Variants in ADNP2 observed in about 807,000 individuals in gnomAD.
The protein encoded by ADNP2 is ADNP homeobox 2, also known as activity-dependent neuroprotector homeobox protein 2.
Under a neutral mutation model 16.4 loss-of-function variants are expected in ADNP2, and 8 were observed. The ratio of observed to expected loss-of-function variants is 0.49; its 90% confidence interval spans 0.29 to 0.88. The LOEUF (loss-of-function observed/expected upper bound fraction) is 0.88, where lower values mean the gene tolerates loss of function less well. ADNP2 is among the 40% of genes least tolerant of loss of function. The pLI, the probability that ADNP2 is intolerant of heterozygous loss-of-function variation, is 0.09. For missense variants in ADNP2, 1,397 were observed against 1,395.1 expected (o/e 1.00, Z -0.02); for synonymous variants, 637 against 545.8 (o/e 1.17, Z -2.33).
At chr18:80,117,701 G>T in intron 2 of ADNP2, 51 bp downstream of exon 2, 1 of 1,442,738 alleles carries the variant, frequency 6.9e-7, no homozygotes, top group Non-Finnish European at 9.5e-7. Flanking sequence ...ATTTGAACTC[G>T]GGTTTTTGAA....
intron 2 of ADNP2, among the ~76,000 whole-genome samples, chr18:80,120,468 A>T (rs557621505): frequency 1.3e-5 from 2 of 151,560 alleles, no homozygotes; most frequent in African/African-American, 4.8e-5. Context: ...AGTAGCTGGC[A>T]CTATAGGTGC....
At chr18:80,133,624 G>T in intron 3 of ADNP2, 1 of 182,932 alleles carries the variant, frequency 5.5e-6, no homozygotes, top group Non-Finnish European at 1.1e-5. Flanking sequence ...GCAAATTCAG[G>T]CTAAAACATG....
intron 1 of ADNP2, among the ~76,000 whole-genome samples, chr18:80,114,824 A>G (rs1301685302): frequency 6.6e-6 from 1 of 152,038 alleles, no homozygotes; most frequent in Non-Finnish European, 1.5e-5. Flanking sequence ...CTTGACAGCT[A>G]GGGCTGGAAT....
At chr18:80,116,793 G>C (rs1006381228) in intron 1 of ADNP2, among the ~76,000 whole-genome samples, 13 of 152,114 alleles carry the variant, frequency 8.5e-5, no homozygotes, top group African/African-American at 2.7e-4. Context: ...GCACCAGGAT[G>C]CCTGGCTAAT....
chr18:80,133,235 G>T, intron 3 of ADNP2, 43 bp downstream of exon 3: 2 of 1,473,424 alleles, frequency 1.4e-6, no homozygotes, highest in South Asian at 1.1e-5. Context: ...CCTCAAAAGT[G>T]AGCAGTGACT....
chr18:80,125,921 A>T (rs1391400075), intron 2 of ADNP2, among the ~76,000 whole-genome samples: 1 of 152,202 alleles, frequency 6.6e-6, no homozygotes, highest in Non-Finnish European at 1.5e-5. Flanking sequence ...GAGTAGTTGT[A>T]TGAGAGACTC....
intron 1 of ADNP2, among the ~76,000 whole-genome samples, chr18:80,116,619 G>C (rs2052391114): frequency 6.6e-6 from 1 of 151,912 alleles, no homozygotes; most frequent in Admixed American, 6.6e-5. Context: ...TCTCCAAATG[G>C]CTAATGATGT....
Position 80,137,922 on chromosome 18 carries a change from C to T in ADNP2, c.2509C>T (p.Arg837Trp), listed in dbSNP as rs112791431. 6.8e-6 allele frequency: 11 copies of T among 1,613,382 alleles called. No individual in the cohort carries two copies. Among genetic ancestry groups the T allele is most frequent in the Admixed American group, 1.7e-5 (1 of 60,000 alleles). ...TILPKEKLGEREVYLAILAGI... is the reference protein window; with the variant it reads ...TILPKEKLGEWEVYLAILAGI... The stretch of plus-strand genomic sequence containing the variant: ...ATTGCCAAAGGAGAAGCTTGGGGAG[C>T]GGGAAGTCTACTTGGCAATCCTGGC... The change falls in exon 4 of 4, where the codon CGG becomes TGG. Residue 837 changes from arginine to tryptophan, a missense_variant. Physicochemically the swap from Arg to Trp is moderately radical, Grantham distance 101 (BLOSUM62 -3). Transcript: ENST00000262198. This position sits in a 1 kb window ranked among gnomAD's most constrained non-coding sequence, Gnocchi z 4.2.
chr18:80,129,002 T>G (rs1413093049), intron 2 of ADNP2, among the ~76,000 whole-genome samples: 4 of 152,164 alleles, frequency 2.6e-5, no homozygotes, highest in Non-Finnish European at 4.4e-5. Context: ...CACTTGCTTT[T>G]TTCACTTTTC....
chr18:80,111,986 G>A lies in ADNP2; in HGVS notation c.-14+2514G>A, dbSNP rs138501837. Among the ~76,000 whole-genome samples the A allele has an allele frequency of 7.9e-5, 12 of 152,014 alleles. No individual in the cohort carries two copies. The East Asian group carries it at 1.2e-3, about 15-fold the overall frequency. On this transcript the variant is annotated intron_variant, in intron 1 of 3. Transcript: ENST00000262198. The stretch of plus-strand genomic sequence containing the variant: ...TTGTGCATATCAGTGGAATTTTATG[G>A]TAGTTCCATGCCTACCCTAAACATT...
At position 80,137,360 on chromosome 18, in the gene ADNP2, T is replaced by C. The variant is rs369150127; in HGVS notation, c.1947T>C (p.Ala649=). 1.9e-6 allele frequency: 3 copies of C among 1,614,070 alleles called. 1 individual carries two copies. Among genetic ancestry groups the C allele is most frequent in the South Asian group, 2.2e-5 (2 of 91,086 alleles). ...MPIQLLPSGA[A]APMAGSMPGM... is the part of the protein sequence containing the mutation. ...TCCAGCTCCTGCCGTCAGGTGCAGC[T>C]GCACCAATGGCCGGTTCCATGCCCG... The change falls in exon 4 of 4, where the codon GCT becomes GCC. Residue 649 remains alanine, a synonymous_variant. Transcript: ENST00000262198. This position sits in a 1 kb window ranked among gnomAD's most constrained non-coding sequence, Gnocchi z 4.2.
At chr18:80,135,008 C>T (rs1341041299) in intron 3 of ADNP2, among the ~76,000 whole-genome samples, 2 of 152,074 alleles carry the variant, frequency 1.3e-5, no homozygotes, top group African/African-American at 4.8e-5. Context: ...GCAAAAACAA[C>T]ATTGGAATTA....
Position 80,138,698 on chromosome 18 carries a change from G to A in ADNP2, c.3285G>A (p.Arg1095=). ...TGGCTTCATTTTTTGGAAAAAGAAGGTATATTTGCATGAAAGCAATAAAAA... is the reference window on the plus strand; with the variant it reads ...TGGCTTCATTTTTTGGAAAAAGAAGATATATTTGCATGAAAGCAATAAAAA... ...IDVASFFGKR[R]YICMKAIKNH... The change falls in exon 4 of 4, where the codon AGG becomes AGA. Residue 1095 remains arginine (R), a synonymous_variant. Transcript: ENST00000262198. 3 of 1,612,130 alleles carry A rather than the reference G, an allele frequency of 1.9e-6. No homozygotes were observed. Among genetic ancestry groups the A allele is most frequent in the Non-Finnish European group, 2.5e-6 (3 of 1,179,676 alleles).
At chr18:80,119,433 A>T (rs1042212590) in intron 2 of ADNP2, among the ~76,000 whole-genome samples, 17 of 139,752 alleles carry the variant, frequency 1.2e-4, no homozygotes, top group African/African-American at 4.1e-4. Context: ...AAAAAAAAAA[A>T]TCCAAGCTGA....
intron 1 of ADNP2, among the ~76,000 whole-genome samples, chr18:80,112,025 T>C (rs554452358): frequency 6.6e-6 from 1 of 152,296 alleles, no homozygotes; most frequent in South Asian, 2.1e-4. Context: ...AATTGAGATT[T>C]ATTTTGAATT....
At position 80,123,361 on chromosome 18, in the gene ADNP2, TTTTTTTG is replaced by T. The variant is rs565270775; in HGVS notation, c.108+5733_108+5739del. 8.8e-3 allele frequency among the ~76,000 whole-genome samples: 1,340 copies of T among 152,180 alleles called. 7 individuals carry two copies. Among genetic ancestry groups the T allele is most frequent in the African/African-American group, 0.014 (575 of 41,514 alleles). On this transcript the variant is annotated intron_variant, in intron 2 of 3. Transcript: ENST00000262198. ...GAGTTAGAAGTTGTTCCCTCCTCTT[TTTTTTTG>T]TTTTTTGTTTTTTGTTTTTTGAGAG...
In ADNP2 at chr18:80,138,564, T is replaced by C. The variant is rs531405791; in HGVS notation, c.3151T>C (p.Tyr1051His). 2 of 1,610,496 alleles carry C rather than the reference T, an allele frequency of 1.2e-6. No homozygotes were observed. The highest frequency in any genetic ancestry group is 2.2e-5 in the South Asian group (2 of 89,834). Residue 1051 changes from tyrosine to histidine, a missense_variant, in exon 4 of 4, where the codon TAT (tyrosine) becomes CAT (histidine). By Grantham distance (83) the Tyr-to-His change is moderately conservative. This residue lies in a region of ADNP2 where 611 missense variants were observed against 648.7 expected (regional missense o/e 0.94). Coordinates refer to ENST00000262198, the MANE Select transcript of ADNP2 (RefSeq NM_014913.4). ...TCCTAAAAAATATGAAGGCCGTTCTTATGAAGAAAAGAAGCAATTTCTTAA... is the reference window on the plus strand; with the variant it reads ...TCCTAAAAAATATGAAGGCCGTTCTCATGAAGAAAAGAAGCAATTTCTTAA... ...LDPKKYEGRS[Y>H]EEKKQFLKDY... is the part of the protein sequence containing the mutation.
At chr18:80,133,058 T>C (rs1427953129) in intron 2 of ADNP2, 45 bp from the exon 3 acceptor site, 1 of 1,315,758 alleles carries the variant, frequency 7.6e-7, no homozygotes, top group South Asian at 1.2e-5. Flanking sequence ...TATTTCTTTA[T>C]CTTCTGAATT....
chr18:80,117,227 T>G (rs1455135832), intron 1 of ADNP2, among the ~76,000 whole-genome samples: 1 of 152,200 alleles, frequency 6.6e-6, no homozygotes, highest in African/African-American at 2.4e-5. Context: ...TGCTTTTTGG[T>G]GTCCTATCTA....
Sources: allele counts gnomAD v4.1 joint callset (sites outside exome capture counted in the v4.1 genomes callset), GRCh38; gene constraint gnomAD v4.1.1; regional missense constraint gnomAD v4.1.1; non-coding constraint Gnocchi (gnomAD v3.1); transcripts MANE v1.5; gene names NCBI Gene and HGNC (gene_info 2026-07-23, HGNC 2026-07-21).